Variants in TAS2R1 observed in about 807,000 individuals in gnomAD.
The protein encoded by TAS2R1 is taste 2 receptor member 1.
For synonymous variants in TAS2R1, 141 were observed against 134.2 expected (o/e 1.05, Z -0.35); for missense variants, 370 against 353.4 (o/e 1.05, Z -0.38).
At chr5:9,636,845 A>G (rs970621340) in intron 2 of TAS2R1, among the ~76,000 whole-genome samples, 1 of 152,134 alleles carries the variant, frequency 6.6e-6, no homozygotes. Context: ...TGAAGATAGC[A>G]GATACTTAAG....
chr5:9,887,333 T>C, the TAS2R1 span, among the ~76,000 whole-genome samples: 14 of 152,236 alleles, frequency 9.2e-5, no homozygotes, highest in African/African-American at 3.4e-4. Context: ...ATATAAGCCT[T>C]GTCTTCCACT....
At chr5:9,713,203 G>T (rs1031824694), upstream of TAS2R1, 4 of 152,114 alleles carry the variant, frequency 2.6e-5, no homozygotes, top group Non-Finnish European at 1.5e-5. Flanking sequence ...CACCAGAAGA[G>T]GAACCGTGTC....
chr5:9,635,538 G>C (rs989787594), intron 2 of TAS2R1, among the ~76,000 whole-genome samples: 5 of 151,190 alleles, frequency 3.3e-5, no homozygotes, highest in African/African-American at 1.2e-4. Flanking sequence ...ATTCTTCTTT[G>C]AATGTCTGAT....
intron 1 of TAS2R1, among the ~76,000 whole-genome samples, chr5:9,681,489 C>T (rs1740993639): frequency 7.1e-6 from 1 of 141,090 alleles, no homozygotes; most frequent in Non-Finnish European, 1.5e-5. Context: ...CCCTTTCCAA[C>T]TCACACCTGT....
the TAS2R1 span, among the ~76,000 whole-genome samples, chr5:9,803,466 A>G: frequency 6.6e-6 from 1 of 152,214 alleles, no homozygotes; most frequent in Non-Finnish European, 1.5e-5. Context: ...CAAGTCAAAG[A>G]AAAGAATTTT....
chr5:9,819,353 C>G, the TAS2R1 span, among the ~76,000 whole-genome samples: 1 of 152,190 alleles, frequency 6.6e-6, no homozygotes, highest in Non-Finnish European at 1.5e-5. Context: ...TTCCTCAGAT[C>G]CATTACATGC....
the TAS2R1 span, among the ~76,000 whole-genome samples, chr5:9,773,872 C>A: frequency 6.6e-6 from 1 of 152,094 alleles, no homozygotes; most frequent in African/African-American, 2.4e-5. Context: ...TGAGTGCTTG[C>A]TAATTAAATG....
intron 1 of TAS2R1, among the ~76,000 whole-genome samples, chr5:9,688,649 T>C (rs1741174427): frequency 6.6e-6 from 1 of 152,166 alleles, no homozygotes; most frequent in Non-Finnish European, 1.5e-5. Context: ...GCCTCCAAAG[T>C]GTCCCCAGCA....
At chr5:9,733,597 C>G in the TAS2R1 span, among the ~76,000 whole-genome samples, 7 of 152,334 alleles carry the variant, frequency 4.6e-5, no homozygotes, top group South Asian at 8.3e-4. Context: ...GGCTTCCAAG[C>G]AGCTCACATT....
the TAS2R1 span, among the ~76,000 whole-genome samples, chr5:9,776,686 C>T: frequency 2.0e-5 from 3 of 152,156 alleles, no homozygotes; most frequent in African/African-American, 7.2e-5. Flanking sequence ...AGCTTAATGA[C>T]GTGGCTTCCT....
At chr5:9,765,183 T>A in the TAS2R1 span, among the ~76,000 whole-genome samples, 1 of 152,164 alleles carries the variant, frequency 6.6e-6, no homozygotes. Context: ...ACTGAGCAGA[T>A]GGCTCTTCTA....
chr5:9,757,045 C>T, the TAS2R1 span, among the ~76,000 whole-genome samples: 15 of 152,242 alleles, frequency 9.9e-5, no homozygotes, highest in East Asian at 1.9e-4. Context: ...GCTCCCCAGA[C>T]AGATTTCAGA....
At chr5:9,634,619 C>A (rs1457865169), upstream of TAS2R1, among the ~76,000 whole-genome samples, 4 of 152,064 alleles carry the variant, frequency 2.6e-5, no homozygotes, top group South Asian at 8.3e-4. Context: ...TAGATGATTT[C>A]TTTCAGCAGT....
chr5:9,780,957 C>A, the TAS2R1 span, among the ~76,000 whole-genome samples: 2 of 152,296 alleles, frequency 1.3e-5, no homozygotes, highest in African/African-American at 4.8e-5. Flanking sequence ...GTTTCTAGTC[C>A]ACCAGCTTGC....
chr5:9,877,182 C>A, the TAS2R1 span, among the ~76,000 whole-genome samples: 1 of 152,158 alleles, frequency 6.6e-6, no homozygotes, highest in Non-Finnish European at 1.5e-5. Flanking sequence ...CAACTGGCCT[C>A]TCTTGAAACC....
At chr5:9,782,201 G>T in the TAS2R1 span, among the ~76,000 whole-genome samples, 1 of 152,200 alleles carries the variant, frequency 6.6e-6, no homozygotes, top group East Asian at 1.9e-4. Context: ...GCAAATACTT[G>T]TTGGGGACTT....
At chr5:9,719,233 A>G in the TAS2R1 span, among the ~76,000 whole-genome samples, 1 of 152,148 alleles carries the variant, frequency 6.6e-6, no homozygotes, top group Non-Finnish European at 1.5e-5. Context: ...TTCGAAAAAA[A>G]TTGTGTATGT....
chr5:9,839,788 C>T, the TAS2R1 span, among the ~76,000 whole-genome samples: 1 of 151,958 alleles, frequency 6.6e-6, no homozygotes, highest in Non-Finnish European at 1.5e-5. Flanking sequence ...TTAAGGTAGT[C>T]CATTACAGGT....
the TAS2R1 span, among the ~76,000 whole-genome samples, chr5:9,778,042 G>A: frequency 1.6e-4 from 24 of 152,114 alleles, no homozygotes; most frequent in Admixed American, 9.2e-4. Context: ...CACCGCGCCC[G>A]GCTAATTTTT....
Sources: allele counts gnomAD v4.1 joint callset (sites outside exome capture counted in the v4.1 genomes callset), GRCh38; gene constraint gnomAD v4.1.1; transcripts MANE v1.5; gene names NCBI Gene and HGNC (gene_info 2026-07-23, HGNC 2026-07-21).